Variants in SORCS2 observed in about 807,000 individuals in gnomAD.
SORCS2 encodes sortilin related VPS10 domain containing receptor 2.
Under a neutral mutation model 141.6 loss-of-function variants are expected in SORCS2, and 100 were observed. The ratio of observed to expected loss-of-function variants is 0.71; its 90% CI spans 0.60 to 0.83. The LOEUF (loss-of-function observed/expected upper bound fraction) is 0.83, where lower values mean the gene tolerates loss of function less well. Ranked by LOEUF, SORCS2 falls within the 40% of genes least tolerant of loss-of-function variation. The probability of loss-of-function intolerance (pLI) is 0.00; values close to 1 mark genes in which losing one functional copy is unlikely to be tolerated. For synonymous variants in SORCS2, 789 were observed against 676.9 expected (o/e 1.17, Z -2.57); for missense variants, 1,646 against 1,560.2 (o/e 1.05, Z -0.93).
intron 2 of SORCS2, 125 bp downstream of exon 2, chr4:7,396,480 C>T (rs1162495704): frequency 1.1e-6 from 1 of 908,408 alleles, no homozygotes; most frequent in Non-Finnish European, 1.7e-6. Context: ...GGCCTCGCAA[C>T]TTTTCTTTGG....
chr4:7,706,055 C>CCTGGGCAGGGATGAGGCTGAGCTCTGT lies in SORCS2; in HGVS notation c.1868+1790_1868+1791insAGCTCTGTCTGGGCAGGGATGAGGCTG, dbSNP rs1560498502. On this transcript the variant is annotated intron_variant, in intron 14 of 26. Transcript: ENST00000507866. ...TGGGCAGGGATGAGGCTGGGCTCCG[C>CCTGGGCAGGGATGAGGCTGAGCTCTGT]CTGGGCAGGGATGAGGCTGGGCTCT... Among the ~76,000 whole-genome samples, 65 of 70,360 alleles carry CCTGGGCAGGGATGAGGCTGAGCTCTGT rather than the reference C, an allele frequency of 9.2e-4. 2 individuals are homozygous for CCTGGGCAGGGATGAGGCTGAGCTCTGT. Among genetic ancestry groups the CCTGGGCAGGGATGAGGCTGAGCTCTGT allele is most frequent in the African/African-American group, 2.8e-3 (60 of 21,364 alleles). The allele number at this position is 70,360 out of a possible 152,430, so 46.2% of individuals were successfully genotyped here. A position where few individuals can be genotyped will look rare whatever the true frequency, so the allele number is the denominator to read the frequency against.
chr4:7,378,622 C>G (rs1009886186), intron 1 of SORCS2, among the ~76,000 whole-genome samples: 1 of 152,156 alleles, frequency 6.6e-6, no homozygotes, highest in Non-Finnish European at 1.5e-5. Flanking sequence ...GCCCTTGACA[C>G]GTGGAGATTA....
At chr4:7,510,652 G>A (rs796321799) in intron 2 of SORCS2, among the ~76,000 whole-genome samples, 2 of 150,234 alleles carry the variant, frequency 1.3e-5, no homozygotes, top group East Asian at 3.9e-4. Context: ...TTCTGGGTGC[G>A]GCATGTCCTG....
intron 3 of SORCS2, among the ~76,000 whole-genome samples, chr4:7,617,630 A>G (rs1193167389): frequency 6.6e-6 from 1 of 152,230 alleles, no homozygotes; most frequent in Non-Finnish European, 1.5e-5. Context: ...GGAGTGCTTC[A>G]TAGAGGAGGA....
chr4:7,262,865 A>C (rs768974721), intron 1 of SORCS2, among the ~76,000 whole-genome samples: 25 of 152,334 alleles, frequency 1.6e-4, no homozygotes, highest in Non-Finnish European at 3.2e-4. Context: ...GGAGGGACTC[A>C]GGACACAGCC....
At chr4:7,452,855 G>T (rs550669157) in intron 2 of SORCS2, among the ~76,000 whole-genome samples, 18 of 151,378 alleles carry the variant, frequency 1.2e-4, no homozygotes, top group African/African-American at 4.1e-4. Flanking sequence ...TTGGGGTCAG[G>T]TGCTGTGTTG....
chr4:7,548,736 G>A (rs930671674), intron 3 of SORCS2, among the ~76,000 whole-genome samples: 7 of 152,092 alleles, frequency 4.6e-5, no homozygotes, highest in African/African-American at 1.4e-4. Flanking sequence ...CACACCCAGT[G>A]GGCTGGCCAG....
At chr4:7,473,876 C>G (rs1730131440) in intron 2 of SORCS2, among the ~76,000 whole-genome samples, 1 of 152,156 alleles carries the variant, frequency 6.6e-6, no homozygotes, top group African/African-American at 2.4e-5. Flanking sequence ...TTCCCCATGC[C>G]CACTTCACCT....
At chr4:7,463,749 C>A (rs1387431821) in intron 2 of SORCS2, among the ~76,000 whole-genome samples, 1 of 152,194 alleles carries the variant, frequency 6.6e-6, no homozygotes, top group African/African-American at 2.4e-5. Flanking sequence ...CGCTCTGGAG[C>A]ACCGCGCCGT....
At chr4:7,608,283 C>G (rs938369598) in intron 3 of SORCS2, among the ~76,000 whole-genome samples, 31 of 152,192 alleles carry the variant, frequency 2.0e-4, no homozygotes, top group African/African-American at 7.2e-4. Context: ...TGCCACTCCT[C>G]AGAGAAGGCT....
intron 1 of SORCS2, among the ~76,000 whole-genome samples, chr4:7,325,725 T>G (rs1183358141): frequency 6.6e-6 from 1 of 152,132 alleles, no homozygotes; most frequent in African/African-American, 2.4e-5. Flanking sequence ...GGGAATCAAG[T>G]GACTATGAAA....
chr4:7,526,621 A>G (rs1032502879), intron 2 of SORCS2, among the ~76,000 whole-genome samples: 2 of 152,182 alleles, frequency 1.3e-5, no homozygotes, highest in African/African-American at 2.4e-5. Flanking sequence ...GCCCAGACCC[A>G]TAGAGTTCAG....
At chr4:7,248,112 C>A (rs1713240855) in intron 1 of SORCS2, among the ~76,000 whole-genome samples, 1 of 152,182 alleles carries the variant, frequency 6.6e-6, no homozygotes, top group African/African-American at 2.4e-5. Flanking sequence ...CGGGCCTGAG[C>A]CCGGATCCCA....
At chr4:7,410,613 G>A (rs753026936) in intron 2 of SORCS2, among the ~76,000 whole-genome samples, 5 of 152,154 alleles carry the variant, frequency 3.3e-5, no homozygotes, top group Non-Finnish European at 7.4e-5. Flanking sequence ...TACCTAAAAT[G>A]TCCCATTGGC....
chr4:7,624,674 G>A (rs545484669), intron 3 of SORCS2, among the ~76,000 whole-genome samples: 34 of 152,334 alleles, frequency 2.2e-4, no homozygotes, highest in South Asian at 4.1e-4. Context: ...TGAACAAATT[G>A]TTCACACGTC....
At chr4:7,305,699 C>G (rs1054508029) in intron 1 of SORCS2, among the ~76,000 whole-genome samples, 2 of 152,166 alleles carry the variant, frequency 1.3e-5, no homozygotes, top group Non-Finnish European at 2.9e-5. Flanking sequence ...TGGGCTCCGT[C>G]CACTCCCAGG....
intron 3 of SORCS2, among the ~76,000 whole-genome samples, chr4:7,603,051 C>T (rs905970477): frequency 6.6e-5 from 10 of 152,144 alleles, no homozygotes; most frequent in Admixed American, 3.9e-4. Flanking sequence ...CGCAGGCACT[C>T]CGCAGGCTGA....
intron 2 of SORCS2, among the ~76,000 whole-genome samples, chr4:7,470,400 T>TCCATCCAG (rs1050995781): frequency 6.6e-6 from 1 of 152,054 alleles, no homozygotes; most frequent in Middle Eastern, 3.4e-3. Context: ...CTTCCATCCA[T>TCCATCCAG]CCATCCAGCC....
At chr4:7,367,479 G>C (rs1216194490) in intron 1 of SORCS2, among the ~76,000 whole-genome samples, 1 of 152,228 alleles carries the variant, frequency 6.6e-6, no homozygotes, top group Non-Finnish European at 1.5e-5. Flanking sequence ...CTGCAGGGTG[G>C]TTGTGGGAGC....
Sources: gnomAD v4.1 joint callset for allele counts (sites outside exome capture counted in the v4.1 genomes callset) on GRCh38, gnomAD v4.1.1 for gene constraint, MANE v1.5 for transcripts, NCBI Gene and HGNC (gene_info 2026-07-23, HGNC 2026-07-21) for gene names.